The following CAPN9 variants were observed in gnomAD, a reference collection of about 807,000 sequenced individuals.
CAPN9 encodes the protein calpain-9.
CAPN9 carries 81 observed loss-of-function variants against 92.8 expected under a neutral mutation model. That is an observed-to-expected ratio of 0.87 (90% CI 0.73 to 1.05). The LOEUF (loss-of-function observed/expected upper bound fraction) is 1.05, where lower values mean the gene tolerates loss of function less well. Ranked by LOEUF, CAPN9 falls within the 50% of genes least tolerant of loss-of-function variation. The pLI is 0.00. For synonymous variants in CAPN9, 304 were observed against 328.0 expected (o/e 0.93, Z 0.79); for missense variants, 848 against 866.2 (o/e 0.98, Z 0.26).
Position 230,747,702 on chromosome 1 carries a change from G to A in CAPN9, c.206G>A (p.Arg69Gln), listed in dbSNP as rs202096741. The A allele has an allele frequency of 4.6e-5, 74 of 1,613,968 alleles. No homozygotes were observed. Among genetic ancestry groups the A allele is most frequent in the Admixed American group, 3.2e-4 (19 of 60,026 alleles). Residue 69 changes from arginine to glutamine, a missense_variant, in exon 1 of 20, where the codon CGA (arginine) becomes CAA (glutamine). Coordinates refer to ENST00000271971, the MANE Select transcript of CAPN9 (RefSeq NM_006615.3). ...CCGCAGATCCCCTTTGTGTGGAAAC[G>A]ACCAGGGGTGAGTGGGGCGAGCAGG... ...ERPQIPFVWK[R>Q]PGEIVKNPEF...
chr1:230,789,473 CAAAAAAAAAAAAAAA>C (rs57738295), intron 13 of CAPN9, among the ~76,000 whole-genome samples: 1,227 of 66,336 alleles, frequency 0.018, 33 homozygotes, highest in African/African-American at 0.053. Flanking sequence ...GACCCTGTAT[CAAAAAAAAAAAAAAA>C]AAAAAAAAAA....
rs759021638 is a variant in CAPN9, at chr1:230,767,611, G to A, written c.607G>A (p.Val203Met). The change falls in exon 5 of 20, where the codon GTG (valine) becomes ATG (methionine). Residue 203 changes from valine (V) to methionine (M), a missense_variant. Transcript: ENST00000271971. ...IEAMEDFTGGVAETFQTKEAP... is the reference protein window; with the variant it reads ...IEAMEDFTGGMAETFQTKEAP... ...GGCCATGGAAGACTTCACTGGGGGTGTGGCAGAGACCTTCCAAACTAAAGA... is the reference window on the plus strand; with the variant it reads ...GGCCATGGAAGACTTCACTGGGGGTATGGCAGAGACCTTCCAAACTAAAGA... 34 of 1,613,956 alleles carry A rather than the reference G, an allele frequency of 2.1e-5. No individual in the cohort carries two copies. Among genetic ancestry groups the A allele is most frequent in the Non-Finnish European group, 2.9e-5 (34 of 1,179,900 alleles).
intron 6 of CAPN9, 69 bp downstream of exon 6, chr1:230,769,332 A>G (rs182809187): frequency 1.9e-5 from 21 of 1,102,652 alleles, no homozygotes; most frequent in Admixed American, 3.5e-5. Context: ...TTAGGCATTT[A>G]TTCAGTGCAT....
At chr1:230,792,388 A>C (rs762267607) in intron 15 of CAPN9, 38 bp from the exon 16 acceptor site, 13 of 1,590,064 alleles carry the variant, frequency 8.2e-6, no homozygotes, top group Non-Finnish European at 1.1e-5. Context: ...CCTCAGGTTG[A>C]AACACTGCTC....
chr1:230,791,742 G>A, intron 14 of CAPN9, 122 bp from the exon 15 acceptor site: 2 of 686,306 alleles, frequency 2.9e-6, no homozygotes, highest in African/African-American at 1.8e-5. Flanking sequence ...CATCATAAGA[G>A]AGTAGCCACA....
intron 15 of CAPN9, 82 bp from the exon 16 acceptor site, chr1:230,792,344 C>G (rs1325773543): frequency 4.1e-6 from 5 of 1,205,128 alleles, no homozygotes; most frequent in Non-Finnish European, 4.9e-6. Context: ...GGCCCTCCCC[C>G]TCTGCAGTCC....
At position 230,759,450 on chromosome 1, in the gene CAPN9, G is replaced by A. The variant is rs932026968; in HGVS notation, c.284-62G>A. The A allele has an allele frequency of 8.3e-6, 10 of 1,205,206 alleles. No individual in the cohort carries two copies. The African/African-American group carries it at 1.5e-4, about 18-fold the overall frequency. The allele number at this position is 1,205,206 out of a possible 1,614,324, so 74.7% of individuals were successfully genotyped here. A position where few individuals can be genotyped will look rare whatever the true frequency, so the allele number is the denominator to read the frequency against. The stretch of plus-strand genomic sequence containing the variant: ...ACTCCCCACATCCCCTTCTGACACA[G>A]AGTTTTCCTATTTGCTGTGAAATAG... On this transcript the variant is annotated intron_variant, in intron 2 of 19. Transcript: ENST00000271971.
chr1:230,775,688 C>G (rs548352286), intron 8 of CAPN9, among the ~76,000 whole-genome samples: 1 of 152,202 alleles, frequency 6.6e-6, no homozygotes, highest in Non-Finnish European at 1.5e-5. Flanking sequence ...GAGGCCAAGG[C>G]GGGTGGATCA....
At chr1:230,771,702 AT>A (rs1157067717) in intron 6 of CAPN9, among the ~76,000 whole-genome samples, 1 of 152,192 alleles carries the variant, frequency 6.6e-6, no homozygotes, top group African/African-American at 2.4e-5. Flanking sequence ...AGAGAAACCC[AT>A]TTTTAGATTC....
rs759327013 is a variant in CAPN9 at position 230,787,542 on chromosome 1, T to A, written c.1539T>A (p.Pro513=). The A allele has an allele frequency of 1.1e-5, 17 of 1,614,012 alleles. No individual in the cohort carries two copies. Among genetic ancestry groups the A allele is most frequent in the Non-Finnish European group, 1.4e-5 (16 of 1,179,976 alleles). ...TTTAGCCTCCAAAGCCAACTCCACC[T>A]GACCAGGAGACAGAGGAGGAGCAGC... The part of the protein sequence containing the change: ...DLPEPPKPTP[P]DQETEEEQRF... Residue 513 remains proline (P), a synonymous_variant, in exon 13 of 20, where the codon CCT becomes CCA. Transcript: ENST00000271971.
chr1:230,791,807 G>A lies in CAPN9; in HGVS notation c.1658-57G>A, dbSNP rs1366604805. On this transcript the variant is annotated intron_variant, in intron 14 of 19. Transcript: ENST00000271971. ...CACATTATTGGGCTTTCAGCAGATGGGTACATAGGTTTATCTTATCGGGTC... is the reference window on the plus strand; with the variant it reads ...CACATTATTGGGCTTTCAGCAGATGAGTACATAGGTTTATCTTATCGGGTC... The A allele has an allele frequency of 2.2e-6, 3 of 1,373,804 alleles. No homozygotes were observed. In the East Asian group the frequency reaches 6.9e-5, roughly 31 times the overall value. 85.1% of individuals were successfully genotyped at this position (1,373,804 alleles called of 1,614,324 possible).
chr1:230,771,834 G>T (rs756653120), intron 6 of CAPN9, among the ~76,000 whole-genome samples, 180 bp from the exon 7 acceptor site: 34 of 152,234 alleles, frequency 2.2e-4, no homozygotes, highest in Non-Finnish European at 4.7e-4. Flanking sequence ...GAATTAGAAG[G>T]TTCCAAGGGC....
At chr1:230,759,239 T>C (rs1277085915) in intron 2 of CAPN9, among the ~76,000 whole-genome samples, 1 of 152,210 alleles carries the variant, frequency 6.6e-6, no homozygotes, top group Non-Finnish European at 1.5e-5. Flanking sequence ...ACAGAGCTGA[T>C]GCATCAGGCA....
At chr1:230,754,001 C>T (rs1405129541) in intron 1 of CAPN9, among the ~76,000 whole-genome samples, 4 of 152,200 alleles carry the variant, frequency 2.6e-5, no homozygotes, top group Admixed American at 1.3e-4. Context: ...TTTGTCTCTT[C>T]CTCAAATGCA....
Position 230,775,194 on chromosome 1 carries a change from A to G in CAPN9, c.953+563A>G, listed in dbSNP as rs577495950. On this transcript the variant is annotated intron_variant, in intron 8 of 19. Coordinates refer to ENST00000271971, the MANE Select transcript of CAPN9 (RefSeq NM_006615.3). The stretch of plus-strand genomic sequence containing the variant: ...GTCTTCAGGGGGTTCCTGCAATCCA[A>G]TAGAGGAAGAGCCTCTGGTCTCTAG... Among the ~76,000 whole-genome samples the G allele has an allele frequency of 4.6e-5, 7 of 152,212 alleles. No individual in the cohort carries two copies. In the East Asian group the frequency reaches 5.8e-4, roughly 13 times the overall value.
rs1344062041 is a variant in CAPN9, at chr1:230,762,852, G to GCCC, written c.536+66_536+67insCCC. 1.1e-5 allele frequency: 17 copies of GCCC among 1,507,138 alleles called. No individual in the cohort carries two copies. The African/African-American group carries it at 2.2e-4, about 20-fold the overall frequency. 93.4% of individuals were successfully genotyped at this position (1,507,138 alleles called of 1,614,324 possible). On this transcript the variant is annotated intron_variant, in intron 4 of 19. Transcript: ENST00000271971. Reference sequence around the variant, plus strand: ...GAGTCTCTACACTAGTCTTTGTAGTGAGCATCTAAGGGCTGGGAAAAAATC... The same window carrying GCCC: ...GAGTCTCTACACTAGTCTTTGTAGTGCCCAGCATCTAAGGGCTGGGAAAAAATC...
chr1:230,754,063 C>T (rs562345785), intron 1 of CAPN9, among the ~76,000 whole-genome samples: 1 of 128,302 alleles, frequency 7.8e-6, no homozygotes, highest in East Asian at 2.1e-4. Context: ...GTGGTGGCAG[C>T]TGCAGGCACA....
At chr1:230,799,995 G>A (rs922948266) in intron 19 of CAPN9, among the ~76,000 whole-genome samples, 4 of 151,844 alleles carry the variant, frequency 2.6e-5, no homozygotes, top group Non-Finnish European at 4.4e-5. Context: ...TGGCTAACAC[G>A]GTGAAACCCC....
At chr1:230,793,956 C>T (rs1396213884) in intron 17 of CAPN9, among the ~76,000 whole-genome samples, 3 of 152,134 alleles carry the variant, frequency 2.0e-5, no homozygotes, top group African/African-American at 7.2e-5. Context: ...CCTCATCCCC[C>T]TCCTCTAGCC....
Sources: gnomAD v4.1 joint callset for allele counts (sites outside exome capture counted in the v4.1 genomes callset) on GRCh38, gnomAD v4.1.1 for gene constraint, MANE v1.5 for transcripts, NCBI Gene and HGNC (gene_info 2026-07-23, HGNC 2026-07-21) for gene names.